Variants in VIPAS39 observed in about 807,000 individuals in gnomAD.
The protein encoded by VIPAS39 is VPS33B interacting protein, apical-basolateral polarity regulator, spe-39 homolog.
Under a neutral mutation model 84.7 loss-of-function variants are expected in VIPAS39, and 63 were observed. The observed-to-expected ratio is 0.74, with a 90% confidence interval of 0.61 to 0.92. The LOEUF (loss-of-function observed/expected upper bound fraction) is 0.92. VIPAS39 is among the 40% of genes least tolerant of loss of function. The pLI is 0.00. For synonymous variants in VIPAS39, 192 were observed against 216.5 expected (o/e 0.89, Z 0.99); for missense variants, 499 against 604.5 (o/e 0.83, Z 1.83).
chr14:77,449,270 C>T, intron 6 of VIPAS39, 23 bp downstream of exon 6: 1 of 1,611,186 alleles, frequency 6.2e-7, no homozygotes, highest in Non-Finnish European at 8.5e-7. Context: ...GAAAGTGTCA[C>T]ACCAGTGTAT....
chr14:77,427,623 T>C lies in VIPAS39; in HGVS notation c.1475A>G (p.Lys492Arg), dbSNP rs758149020. 6.2e-7 allele frequency: 1 copy of C among 1,614,232 alleles called. No homozygotes were observed. Residue 492 changes from lysine to arginine, a missense_variant, in exon 20 of 20, where the codon AAG (lysine) becomes AGG (arginine). Lys to Arg is a conservative substitution (Grantham distance 26). Coordinates refer to ENST00000557658, the MANE Select transcript of VIPAS39 (RefSeq NM_001193315.2). ...ALLSSSQIRW[K>R]N ...CAAGGTAGTCAATGCCACTTAATTC[T>C]TCCATCGAATTTGCTGTGGAAAGAG...
At chr14:77,440,969 C>T (rs780739391) in intron 11 of VIPAS39, 97 bp downstream of exon 11, 58 of 1,471,908 alleles carry the variant, frequency 3.9e-5, no homozygotes, top group African/African-American at 9.8e-5. Context: ...CCACCCACCT[C>T]GGCCTCCCAA....
intron 4 of VIPAS39, 63 bp downstream of exon 4, chr14:77,451,124 T>C: frequency 6.2e-7 from 1 of 1,608,350 alleles, no homozygotes; most frequent in Non-Finnish European, 8.5e-7. Context: ...ATGAAAATTA[T>C]GGCCTAAGAT....
intron 5 of VIPAS39, 110 bp downstream of exon 5, chr14:77,449,604 C>T: frequency 1.4e-6 from 2 of 1,429,054 alleles, no homozygotes; most frequent in Non-Finnish European, 9.9e-7. Flanking sequence ...ACAGTAGATG[C>T]AGAAGAAAGT....
rs190519646 is a variant in VIPAS39 at position 77,429,433 on chromosome 14, C to T, written c.1266+248G>A. Reference sequence around the variant, plus strand: ...CTCCTTTTCTATCATTTGAACAGTACATCAGTATTCCACTTGGGCTAACAC... The same window carrying T: ...CTCCTTTTCTATCATTTGAACAGTATATCAGTATTCCACTTGGGCTAACAC... On this transcript the variant is annotated intron_variant, in intron 17 of 19. Coordinates refer to ENST00000557658, the MANE Select transcript of VIPAS39 (RefSeq NM_001193315.2). Among the ~76,000 whole-genome samples the T allele has an allele frequency of 5.7e-4, 85 of 148,504 alleles. 1 individual carries two copies. Among genetic ancestry groups the T allele is most frequent in the African/African-American group, 1.9e-3 (74 of 37,954 alleles).
intron 1 of VIPAS39, among the ~76,000 whole-genome samples, chr14:77,455,643 T>G (rs1020061987): frequency 5.9e-5 from 9 of 152,232 alleles, no homozygotes; most frequent in South Asian, 2.1e-4. Flanking sequence ...AACCATTTGC[T>G]TTTCCTTTTA....
intron 16 of VIPAS39, among the ~76,000 whole-genome samples, chr14:77,431,216 C>A (rs1442611014): frequency 6.6e-6 from 1 of 152,020 alleles, no homozygotes; most frequent in Non-Finnish European, 1.5e-5. Flanking sequence ...CTGCGCATGG[C>A]AAAGGAAACA....
At chr14:77,453,514 G>A (rs879769164) in intron 2 of VIPAS39, 113 bp from the exon 3 acceptor site, 13 of 983,680 alleles carry the variant, frequency 1.3e-5, no homozygotes, top group Admixed American at 3.4e-5. Context: ...CACTCGCCCT[G>A]TGCAATCGAA....
chr14:77,453,424 G>A, intron 2 of VIPAS39, 23 bp from the exon 3 acceptor site: 4 of 1,608,600 alleles, frequency 2.5e-6, no homozygotes, highest in Non-Finnish European at 2.6e-6. Context: ...ACAAGGCTAG[G>A]GTGCTCAGGC....
chr14:77,456,686 A>G (rs1442634425), intron 1 of VIPAS39, among the ~76,000 whole-genome samples: 2 of 152,240 alleles, frequency 1.3e-5, no homozygotes, highest in South Asian at 4.1e-4. Flanking sequence ...TTCCTTCACT[A>G]TAGTAATTAT....
intron 1 of VIPAS39, among the ~76,000 whole-genome samples, chr14:77,455,640 T>C (rs2078949376): frequency 6.6e-6 from 1 of 152,242 alleles, no homozygotes; most frequent in Non-Finnish European, 1.5e-5. Flanking sequence ...AAGAACCATT[T>C]GCTTTTCCTT....
Position 77,433,914 on chromosome 14 carries a change from A to G in VIPAS39, c.1107T>C (p.Tyr369=), listed in dbSNP as rs769521365. 18 of 1,614,088 alleles carry G rather than the reference A, an allele frequency of 1.1e-5. No homozygotes were observed. In the South Asian group the frequency reaches 1.9e-4, roughly 17 times the overall value. Residue 369 remains tyrosine, a synonymous_variant, in exon 16 of 20, where the codon TAT becomes TAC. Transcript: ENST00000557658. The stretch of plus-strand genomic sequence containing the variant: ...CACGAGCAGCCAGGGCTGTCAGCAC[A>G]TACTGTTTATCTGGGATCTGGAAAG... ...KKTFKIPDKQ[Y]VLTALAARAK... is the part of the protein sequence containing the mutation.
At chr14:77,430,723 GA>G (rs11302153) in intron 16 of VIPAS39, among the ~76,000 whole-genome samples, 92,905 of 123,242 alleles carry the variant, frequency 0.75, 33,415 homozygotes, top group East Asian at 0.95. Context: ...TCTCAAAAAA[GA>G]AAAAAAAAAA....
At chr14:77,435,491 A>C in intron 13 of VIPAS39, 98 bp from the exon 14 acceptor site, 1 of 1,481,914 alleles carries the variant, frequency 6.7e-7, no homozygotes, top group Admixed American at 2.1e-5. Flanking sequence ...TGTGTTTCCC[A>C]CCCTAGGAGA....
At chr14:77,451,434 TC>T (rs1260097685) in intron 3 of VIPAS39, 101 bp from the exon 4 acceptor site, 40 of 1,573,556 alleles carry the variant, frequency 2.5e-5, no homozygotes, top group Non-Finnish European at 3.3e-5. Context: ...GAAGCCCTGG[TC>T]CCTTGGCCAA....
intron 1 of VIPAS39, among the ~76,000 whole-genome samples, chr14:77,454,686 A>AAT (rs947326662): frequency 1.9e-4 from 29 of 151,454 alleles, no homozygotes; most frequent in African/African-American, 7.0e-4. Context: ...AAAAAAAAAA[A>AAT]AAAAAAGTGT....
chr14:77,444,576 T>A (rs1186894204), intron 7 of VIPAS39, among the ~76,000 whole-genome samples: 5 of 152,146 alleles, frequency 3.3e-5, no homozygotes, highest in Admixed American at 3.3e-4. Flanking sequence ...TCAACAGAAA[T>A]CACTTGTTCT....
At chr14:77,448,839 A>T (rs1210098410) in intron 6 of VIPAS39, among the ~76,000 whole-genome samples, 1 of 152,188 alleles carries the variant, frequency 6.6e-6, no homozygotes. Flanking sequence ...GATGAATTAG[A>T]ATCACGTTTT....
intron 4 of VIPAS39, among the ~76,000 whole-genome samples, chr14:77,450,814 A>G (rs1479292606): frequency 4.6e-5 from 7 of 152,246 alleles, no homozygotes. Flanking sequence ...CTAGCCAGTT[A>G]TATGTTTACT....
Sources: allele counts gnomAD v4.1 joint callset (sites outside exome capture counted in the v4.1 genomes callset), GRCh38; gene constraint gnomAD v4.1.1; transcripts MANE v1.5; gene names NCBI Gene and HGNC (gene_info 2026-07-23, HGNC 2026-07-21).